Variants in MAPK10 observed in about 807,000 individuals in gnomAD.
The protein encoded by MAPK10 is JNK3 alpha protein kinase.
A neutral mutation model predicts 59.3 loss-of-function variants in MAPK10; 25 were observed. The ratio of observed to expected loss-of-function variants is 0.42; its 90% CI spans 0.31 to 0.59. MAPK10 has a LOEUF of 0.59. Ranked by LOEUF, MAPK10 falls within the 20% of genes least tolerant of loss-of-function variation. MAPK10 has a pLI of 0.15. For missense variants in MAPK10, 351 were observed against 568.9 expected (o/e 0.62, Z 3.90); for synonymous variants, 190 against 200.5 (o/e 0.95, Z 0.44).
intron 1 of MAPK10, chr4:86,358,249 T>C (rs992058241): frequency 3.0e-6 from 3 of 985,324 alleles, no homozygotes; most frequent in Admixed American, 6.2e-5. Context: ...AGAGAAATGG[T>C]CCTTACTGCA....
intron 11 of MAPK10, among the ~76,000 whole-genome samples, chr4:86,059,477 T>C (rs2045297247): frequency 6.6e-6 from 1 of 152,230 alleles, no homozygotes; most frequent in African/African-American, 2.4e-5. Flanking sequence ...CTTAAGTGTT[T>C]ATTTTAATTG....
intron 1 of MAPK10, among the ~76,000 whole-genome samples, chr4:86,581,238 A>G (rs74678260): frequency 0.16 from 24,590 of 151,838 alleles, 2,314 homozygotes; most frequent in East Asian, 0.24. Context: ...TGGCATATGG[A>G]CATACCCTTG....
chr4:86,420,958 T>G (rs1022311208), intron 1 of MAPK10, among the ~76,000 whole-genome samples: 7 of 151,922 alleles, frequency 4.6e-5, no homozygotes, highest in African/African-American at 1.5e-4. Context: ...GGCAGGTACC[T>G]ATAATCCCAA....
At chr4:86,215,150 T>A (rs1330220343) in intron 2 of MAPK10, among the ~76,000 whole-genome samples, 1 of 152,146 alleles carries the variant, frequency 6.6e-6, no homozygotes, top group African/African-American at 2.4e-5. Context: ...GCCAAGACCA[T>A]CCAATGGTGA....
At chr4:86,185,559 C>A (rs927616592) in intron 3 of MAPK10, among the ~76,000 whole-genome samples, 1 of 152,078 alleles carries the variant, frequency 6.6e-6, no homozygotes, top group Admixed American at 6.6e-5. Flanking sequence ...GACATGATCT[C>A]AATTATTTTT....
chr4:86,482,721 TA>T (rs1753700399), intron 1 of MAPK10, among the ~76,000 whole-genome samples: 1 of 152,120 alleles, frequency 6.6e-6, no homozygotes, highest in East Asian at 1.9e-4. Flanking sequence ...TCCTCACCAT[TA>T]AAACTGTTCA....
intron 1 of MAPK10, among the ~76,000 whole-genome samples, chr4:86,491,120 T>C (rs947475386): frequency 1.3e-5 from 2 of 152,198 alleles, no homozygotes; most frequent in East Asian, 1.9e-4. Context: ...AGTTGAGCTG[T>C]GTGGATCAGA....
At chr4:86,021,607 C>T (rs1394192364) in intron 13 of MAPK10, among the ~76,000 whole-genome samples, 1 of 152,254 alleles carries the variant, frequency 6.6e-6, no homozygotes, top group Non-Finnish European at 1.5e-5. Flanking sequence ...TGTGCGCTCG[C>T]ATTCCTCAGC....
chr4:86,266,771 T>C (rs1294989022), intron 2 of MAPK10, among the ~76,000 whole-genome samples: 1 of 152,172 alleles, frequency 6.6e-6, no homozygotes, highest in Admixed American at 6.6e-5. Context: ...TTTGAATTTA[T>C]TACTAAATCT....
chr4:86,053,511 GCTGT>G (rs2043960102), intron 11 of MAPK10, among the ~76,000 whole-genome samples: 1 of 152,066 alleles, frequency 6.6e-6, no homozygotes. Context: ...TCGAGGCAAA[GCTGT>G]CTGACAGAGA....
At chr4:86,127,313 A>T (rs976266876) in intron 4 of MAPK10, among the ~76,000 whole-genome samples, 1 of 151,944 alleles carries the variant, frequency 6.6e-6, no homozygotes, top group African/African-American at 2.4e-5. Flanking sequence ...AGTGTCTGGC[A>T]TATAGTTAGC....
intron 13 of MAPK10, chr4:86,020,994 C>G (rs1020284499): frequency 6.6e-6 from 1 of 152,148 alleles, no homozygotes; most frequent in Admixed American, 6.5e-5. Flanking sequence ...TTGGTAGAGC[C>G]GAGTGGCCTG....
chr4:86,100,645 C>G (rs2055178621), intron 8 of MAPK10: 1 of 153,848 alleles, frequency 6.5e-6, no homozygotes, highest in Non-Finnish European at 1.4e-5. Flanking sequence ...AGAACTACAG[C>G]CATCAGTCTG....
At chr4:86,201,937 C>T (rs554380250) in intron 2 of MAPK10, among the ~76,000 whole-genome samples, 1 of 151,826 alleles carries the variant, frequency 6.6e-6, no homozygotes, top group African/African-American at 2.4e-5. Flanking sequence ...TAGTATACTT[C>T]CATTTTCCTC....
At chr4:86,497,222 T>C (rs1355930969) in intron 1 of MAPK10, among the ~76,000 whole-genome samples, 1 of 152,212 alleles carries the variant, frequency 6.6e-6, no homozygotes, top group African/African-American at 2.4e-5. Flanking sequence ...GAGGCTATTG[T>C]CAGGAATTTC....
chr4:86,270,765 A>G (rs1455122092), intron 2 of MAPK10, among the ~76,000 whole-genome samples: 1 of 152,114 alleles, frequency 6.6e-6, no homozygotes, highest in Non-Finnish European at 1.5e-5. Flanking sequence ...CATAAAATGG[A>G]ATCATGCCAT....
At chr4:86,159,636 CGAGTAAAAGAGCTTAG>C (rs2149229538) in intron 3 of MAPK10, among the ~76,000 whole-genome samples, 169 bp from the exon 4 acceptor site, 1 of 151,878 alleles carries the variant, frequency 6.6e-6, no homozygotes, top group South Asian at 2.1e-4. Context: ...AAGATTACCT[CGAGTAAAAGAGCTTAG>C]GGAAAAAATG....
chr4:86,537,102 T>C (rs1758305608), intron 1 of MAPK10, among the ~76,000 whole-genome samples: 1 of 152,184 alleles, frequency 6.6e-6, no homozygotes, highest in African/African-American at 2.4e-5. Flanking sequence ...ATACACACAA[T>C]GGCGTCCAAC....
chr4:86,080,737 T>A (rs1050385409), intron 9 of MAPK10: 3 of 151,914 alleles, frequency 2.0e-5, no homozygotes, highest in Admixed American at 6.6e-5. Context: ...ATACTGAACA[T>A]CGATAGCATA....
Sources: gnomAD v4.1 joint callset for allele counts (sites outside exome capture counted in the v4.1 genomes callset) on GRCh38, gnomAD v4.1.1 for gene constraint, MANE v1.5 for transcripts, NCBI Gene and HGNC (gene_info 2026-07-23, HGNC 2026-07-21) for gene names.